PPP1R14C: variants seen among roughly 807,000 people sequenced by gnomAD.
The protein encoded by PPP1R14C is protein phosphatase 1 regulatory inhibitor subunit 14C, also known as protein phosphatase 1 regulatory subunit 14C.
In PPP1R14C, 16 loss-of-function variants were observed where a neutral mutation model predicts 20.4. The ratio of observed to expected loss-of-function variants is 0.78; its 90% CI spans 0.53 to 1.19. The LOEUF is 1.19. PPP1R14C is among the 50% of genes most tolerant of loss of function. The probability of loss-of-function intolerance (pLI) is 0.00; values close to 1 mark genes in which losing one functional copy is unlikely to be tolerated. For synonymous variants in PPP1R14C, 91 were observed against 91.0 expected (o/e 1.00, Z 0.00); for missense variants, 211 against 220.1 (o/e 0.96, Z 0.26).
intron 1 of PPP1R14C, among the ~76,000 whole-genome samples, chr6:150,213,651 T>C (rs1294047916): frequency 6.6e-6 from 1 of 152,190 alleles, no homozygotes; most frequent in Non-Finnish European, 1.5e-5. Flanking sequence ...TCTTAAATGC[T>C]CTTTTATTTT....
chr6:150,206,884 C>T (rs1310761116), intron 1 of PPP1R14C, among the ~76,000 whole-genome samples: 23 of 140,534 alleles, frequency 1.6e-4, no homozygotes, highest in African/African-American at 5.5e-4. Flanking sequence ...TTTTTTTTTG[C>T]GACAGAGTCT....
At chr6:150,239,179 C>T (rs1197715219) in intron 3 of PPP1R14C, among the ~76,000 whole-genome samples, 1 of 152,178 alleles carries the variant, frequency 6.6e-6, no homozygotes, top group Non-Finnish European at 1.5e-5. Flanking sequence ...GGGGAACACT[C>T]GTGTTCATCC....
intron 1 of PPP1R14C, among the ~76,000 whole-genome samples, chr6:150,149,656 CTGAT>C: frequency 6.6e-6 from 1 of 152,102 alleles, no homozygotes; most frequent in Non-Finnish European, 1.5e-5. Context: ...GTCAGGAGGA[CTGAT>C]TGGTGAGACA....
chr6:150,160,657 T>C (rs1175066878), intron 1 of PPP1R14C, among the ~76,000 whole-genome samples: 1 of 152,154 alleles, frequency 6.6e-6, no homozygotes, highest in East Asian at 1.9e-4. Context: ...GTGGGAGATT[T>C]GTCTCTTCTT....
At chr6:150,196,545 G>A (rs1777806866) in intron 1 of PPP1R14C, among the ~76,000 whole-genome samples, 1 of 152,058 alleles carries the variant, frequency 6.6e-6, no homozygotes, top group Non-Finnish European at 1.5e-5. Context: ...GCTCTGGGGA[G>A]AGGCTTAACC....
chr6:150,192,412 T>C (rs1777756196), intron 1 of PPP1R14C, among the ~76,000 whole-genome samples: 1 of 152,132 alleles, frequency 6.6e-6, no homozygotes, highest in African/African-American at 2.4e-5. Context: ...CCAGATCCCT[T>C]TCGTGCGTGG....
chr6:150,243,626 C>T (rs1778458162), intron 3 of PPP1R14C, among the ~76,000 whole-genome samples: 2 of 152,146 alleles, frequency 1.3e-5, no homozygotes, highest in Non-Finnish European at 2.9e-5. Context: ...TGGGTATAAA[C>T]ATAGACAAAT....
intron 1 of PPP1R14C, among the ~76,000 whole-genome samples, chr6:150,151,769 T>C (rs562692339): frequency 6.1e-4 from 93 of 152,348 alleles, no homozygotes; most frequent in African/African-American, 2.2e-3. Context: ...AAGTTCACAC[T>C]GATTCCAAAG....
intron 3 of PPP1R14C, among the ~76,000 whole-genome samples, chr6:150,230,348 G>GT (rs1461153861): frequency 6.6e-6 from 1 of 152,192 alleles, no homozygotes; most frequent in Admixed American, 6.5e-5. Context: ...TCAATTTGCT[G>GT]TAAGTTGGCA....
At position 150,191,864 on chromosome 6, in the gene PPP1R14C, T is replaced by C. The variant is rs80306387; in HGVS notation, c.307-22880T>C. Among the ~76,000 whole-genome samples the C allele has an allele frequency of 8.4e-3, 1,282 of 152,284 alleles. 14 individuals carry two copies. Among genetic ancestry groups the C allele is most frequent in the African/African-American group, 0.028 (1,184 of 41,544 alleles). ...GAGGGAGACCTTACCCTGCTGACTATTCATGAAGGAAATGGTTTCAGGCAA... is the reference window on the plus strand; with the variant it reads ...GAGGGAGACCTTACCCTGCTGACTACTCATGAAGGAAATGGTTTCAGGCAA... On this transcript the variant is annotated intron_variant, in intron 1 of 3. Transcript: ENST00000361131.
intron 1 of PPP1R14C, among the ~76,000 whole-genome samples, chr6:150,177,110 G>A (rs1033350556): frequency 2.0e-5 from 3 of 152,154 alleles, no homozygotes; most frequent in African/African-American, 7.2e-5. Flanking sequence ...GCTCTGTGGT[G>A]GATGTTGTAG....
chr6:150,143,609 G>C lies in PPP1R14C; in HGVS notation c.306+111G>C. The C allele has an allele frequency of 1.3e-6, 1 of 787,098 alleles. No homozygotes were observed. The highest frequency in any genetic ancestry group is 2.0e-6 in the Non-Finnish European group (1 of 508,304). 48.8% of individuals were successfully genotyped at this position (787,098 alleles called of 1,614,324 possible). The stretch of plus-strand genomic sequence containing the variant: ...GGCGCGCATGTCCCTGACTCCCGGG[G>C]ACCAAGTGCCAGGAGCGAGGCGCGG... On this transcript the variant is annotated intron_variant, in intron 1 of 3. Transcript: ENST00000361131. This position sits in a 1 kb window ranked among gnomAD's most constrained non-coding sequence, Gnocchi z 5.6.
At chr6:150,243,079 G>A (rs1338103420) in intron 3 of PPP1R14C, among the ~76,000 whole-genome samples, 1 of 151,830 alleles carries the variant, frequency 6.6e-6, no homozygotes, top group Admixed American at 6.6e-5. Flanking sequence ...ATTCATTAGT[G>A]TTGAGATGTC....
chr6:150,241,976 C>T (rs1412312779), intron 3 of PPP1R14C, among the ~76,000 whole-genome samples: 1 of 152,134 alleles, frequency 6.6e-6, no homozygotes, highest in Non-Finnish European at 1.5e-5. Context: ...TGGGGAAACC[C>T]CCCACCCACA....
chr6:150,219,306 G>A (rs1387618911), intron 3 of PPP1R14C, among the ~76,000 whole-genome samples: 3 of 151,950 alleles, frequency 2.0e-5, no homozygotes, highest in Middle Eastern at 3.2e-3. Flanking sequence ...TTGGCTCACC[G>A]CAACCTCTGC....
chr6:150,243,174 C>CTTTTT (rs574248701), intron 3 of PPP1R14C, among the ~76,000 whole-genome samples: 1 of 129,292 alleles, frequency 7.7e-6, no homozygotes, highest in Non-Finnish European at 1.6e-5. Context: ...TCTAAAATTC[C>CTTTTT]TTTTTTTTTT....
chr6:150,153,812 T>G (rs1354194345), intron 1 of PPP1R14C, among the ~76,000 whole-genome samples: 1 of 152,234 alleles, frequency 6.6e-6, no homozygotes, highest in Non-Finnish European at 1.5e-5. Context: ...TTCTTCATTT[T>G]GAAAGAATCC....
rs368683976 is a variant in PPP1R14C at position 150,174,274 on chromosome 6, C to T, written c.306+30776C>T. Among the ~76,000 whole-genome samples the T allele has an allele frequency of 2.0e-5, 3 of 152,140 alleles. No homozygotes were observed. The South Asian group carries it at 6.2e-4, about 31-fold the overall frequency. On this transcript the variant is annotated intron_variant, in intron 1 of 3. Transcript: ENST00000361131. ...TCCCTCTGTCGCCCAGGCTGGAGTG[C>T]AGTGGTGCGATCTCGGCTCACTGCA...
At chr6:150,232,622 A>T (rs1212029386) in intron 3 of PPP1R14C, among the ~76,000 whole-genome samples, 1 of 152,126 alleles carries the variant, frequency 6.6e-6, no homozygotes, top group African/African-American at 2.4e-5. Flanking sequence ...TAGGGATCTA[A>T]TTATGTTTTG....
Sources: gnomAD v4.1 joint callset for allele counts (sites outside exome capture counted in the v4.1 genomes callset) on GRCh38, gnomAD v4.1.1 for gene constraint, Gnocchi (gnomAD v3.1) non-coding constraint, MANE v1.5 for transcripts, NCBI Gene and HGNC (gene_info 2026-07-23, HGNC 2026-07-21) for gene names.